The following SHISA6 variants were observed in gnomAD, a reference collection of about 807,000 sequenced individuals.
SHISA6 encodes the protein shisa family member 6, also known as protein shisa-6.
In SHISA6, 22 loss-of-function variants were observed where a neutral mutation model predicts 47.9. The ratio of observed to expected loss-of-function variants is 0.46; its 90% CI spans 0.33 to 0.66. SHISA6 has a LOEUF of 0.66. Ranked by LOEUF, SHISA6 falls within the 30% of genes least tolerant of loss-of-function variation. The pLI is 0.02. For missense variants in SHISA6, 680 were observed against 764.6 expected, an observed-to-expected ratio of 0.89 and a Z score of 1.30; for synonymous variants, 388 against 337.8, an observed-to-expected ratio of 1.15 and a Z score of -1.63.
intron 2 of SHISA6, among the ~76,000 whole-genome samples, chr17:11,298,176 A>G (rs1322155217): frequency 6.6e-6 from 1 of 152,252 alleles, no homozygotes; most frequent in African/African-American, 2.4e-5. Flanking sequence ...TCCCACAGCT[A>G]GTAAGTGGTA....
intron 3 of SHISA6, among the ~76,000 whole-genome samples, chr17:11,445,639 T>G (rs943526341): frequency 1.3e-5 from 2 of 152,188 alleles, no homozygotes; most frequent in African/African-American, 4.8e-5. Context: ...TGTCGAGCAC[T>G]ATGCTAAGTA....
At chr17:11,347,028 G>A (rs572002957) in intron 2 of SHISA6, among the ~76,000 whole-genome samples, 1 of 152,260 alleles carries the variant, frequency 6.6e-6, no homozygotes, top group African/African-American at 2.4e-5. Flanking sequence ...TGTAGCTTAA[G>A]TCATGCTATG....
At chr17:11,351,340 C>G (rs1351044846) in intron 2 of SHISA6, among the ~76,000 whole-genome samples, 2 of 152,186 alleles carry the variant, frequency 1.3e-5, no homozygotes. Context: ...CCGTCTTTAT[C>G]TCCTGTCATG....
intron 5 of SHISA6, among the ~76,000 whole-genome samples, chr17:11,557,241 C>G (rs952632050): frequency 6.6e-6 from 1 of 152,176 alleles, no homozygotes; most frequent in Non-Finnish European, 1.5e-5. Flanking sequence ...TTATTCTAGC[C>G]GGAGGCTGGC....
At chr17:11,251,513 C>A (rs1048483618) in intron 1 of SHISA6, among the ~76,000 whole-genome samples, 1 of 151,894 alleles carries the variant, frequency 6.6e-6, no homozygotes, top group South Asian at 2.1e-4. Context: ...GGGTGAGGGG[C>A]ACAGGAGAGA....
rs144109895 is a variant in SHISA6, at chr17:11,287,711, G to GAAAGAAGGA, written c.799+24186_799+24187insAAGAAGGAA. Among the ~76,000 whole-genome samples the GAAAGAAGGA allele has an allele frequency of 5.5e-3, 174 of 31,432 alleles. 3 individuals are homozygous for GAAAGAAGGA. The highest frequency in any genetic ancestry group is 0.01 in the Non-Finnish European group (136 of 13,496). 20.6% of individuals were successfully genotyped at this position (31,432 alleles called of 152,430 possible). ...GAGAGAGAAAGGGGAAGGAAGGAAG[G>GAAAGAAGGA]AGGGAGGGAGGGAGGAAGGGGCTGG... is the stretch of plus-strand genomic sequence containing the variant. On this transcript the variant is annotated intron_variant, in intron 2 of 5. Transcript: ENST00000441885.
intron 2 of SHISA6, among the ~76,000 whole-genome samples, chr17:11,376,481 C>T (rs1567588636): frequency 6.6e-6 from 1 of 152,088 alleles, no homozygotes; most frequent in Admixed American, 6.5e-5. Flanking sequence ...TGTGCCACCA[C>T]ACTTGGCTCA....
intron 2 of SHISA6, among the ~76,000 whole-genome samples, chr17:11,318,127 A>G (rs1269354206): frequency 5.1e-5 from 1 of 19,606 alleles, no homozygotes; most frequent in Admixed American, 8.0e-4. Context: ...TCACAGTGCC[A>G]TTATCACAGG....
chr17:11,269,462 T>C (rs1369932549), intron 2 of SHISA6, among the ~76,000 whole-genome samples: 2 of 152,172 alleles, frequency 1.3e-5, no homozygotes, highest in East Asian at 3.9e-4. Flanking sequence ...TCAGAGGGAC[T>C]GTTACCCAGG....
At chr17:11,367,549 G>A (rs1349593674) in intron 2 of SHISA6, among the ~76,000 whole-genome samples, 1 of 152,110 alleles carries the variant, frequency 6.6e-6, no homozygotes, top group Non-Finnish European at 1.5e-5. Flanking sequence ...AGAGGTGAGG[G>A]GCCCTTTGAA....
intron 3 of SHISA6, among the ~76,000 whole-genome samples, chr17:11,495,436 G>C (rs2071399944): frequency 6.6e-6 from 1 of 152,226 alleles, no homozygotes; most frequent in Non-Finnish European, 1.5e-5. Context: ...CAGGTGACCA[G>C]GGGAGAGGGA....
chr17:11,351,870 C>G (rs550783456), intron 2 of SHISA6, among the ~76,000 whole-genome samples: 4 of 152,214 alleles, frequency 2.6e-5, no homozygotes, highest in South Asian at 4.1e-4. Flanking sequence ...CTATAAGGAA[C>G]CAATGATGAC....
At position 11,252,040 on chromosome 17, in the gene SHISA6, G is replaced by A. The variant is rs549479466; in HGVS notation, c.638+9980G>A. The stretch of plus-strand genomic sequence containing the variant: ...CACTAGTCTTCCGCAGGAACCCAGC[G>A]TTCCCGCTCCCTGTTTTCATCCTTC... On this transcript the variant is annotated intron_variant, in intron 1 of 5. Transcript: ENST00000441885. Among the ~76,000 whole-genome samples, 5 of 152,262 alleles carry A rather than the reference G, an allele frequency of 3.3e-5. No homozygotes were observed. In the East Asian group the frequency reaches 7.7e-4, roughly 24 times the overall value.
At position 11,553,635 on chromosome 17, in the gene SHISA6, C is replaced by T. The variant is rs1423406016; in HGVS notation, c.952+1683C>T. 5.3e-5 allele frequency among the ~76,000 whole-genome samples: 8 copies of T among 151,990 alleles called. No homozygotes were observed. In the South Asian group the frequency reaches 1.7e-3, roughly 32 times the overall value. On this transcript the variant is annotated intron_variant, in intron 4 of 5. Transcript: ENST00000441885. ...GAGTGACTATCAAGCGAGGAGGGGGCCTGAGTCTACTTAATTAGTGTTCCA... is the reference window on the plus strand; with the variant it reads ...GAGTGACTATCAAGCGAGGAGGGGGTCTGAGTCTACTTAATTAGTGTTCCA...
intron 3 of SHISA6, among the ~76,000 whole-genome samples, chr17:11,536,244 G>A (rs1411078740): frequency 1.3e-5 from 2 of 152,096 alleles, no homozygotes; most frequent in Admixed American, 1.3e-4. Flanking sequence ...TACACTCATA[G>A]CATTACTGGG....
chr17:11,302,025 G>C (rs1000540177), intron 2 of SHISA6, among the ~76,000 whole-genome samples: 1 of 152,118 alleles, frequency 6.6e-6, no homozygotes, highest in Non-Finnish European at 1.5e-5. Flanking sequence ...GGAAACCCCT[G>C]ATAAACCCAC....
In SHISA6 at chr17:11,241,987, A is replaced by G; in HGVS notation, c.565A>G (p.Ile189Val). 2 of 1,551,084 alleles carry G rather than the reference A, an allele frequency of 1.3e-6. No homozygotes were observed. The highest frequency in any genetic ancestry group is 8.7e-7 in the Non-Finnish European group (1 of 1,146,982). ...YITCGVIAFV[I>V]VAGVFAKVSY... ...CACCTGCGGGGTGATCGCCTTCGTC[A>G]TCGTGGCCGGCGTCTTCGCCAAGGT... The change falls in exon 1 of 6, where the codon ATC (isoleucine) becomes GTC (valine). Residue 189 changes from isoleucine (I) to valine (V), a missense_variant. Ile to Val is a conservative substitution (Grantham distance 29). Coordinates refer to ENST00000441885, the MANE Select transcript of SHISA6 (RefSeq NM_207386.4). The surrounding 1 kb of genome is among the most constrained non-coding windows in gnomAD (Gnocchi z 5.5).
chr17:11,449,471 G>A (rs1567608813), intron 3 of SHISA6, among the ~76,000 whole-genome samples: 1 of 151,796 alleles, frequency 6.6e-6, no homozygotes, highest in Non-Finnish European at 1.5e-5. Context: ...AGAAAAAAAA[G>A]AAAAAAATTG....
At chr17:11,434,054 T>C (rs1914865945) in intron 3 of SHISA6, among the ~76,000 whole-genome samples, 1 of 151,538 alleles carries the variant, frequency 6.6e-6, no homozygotes, top group Non-Finnish European at 1.5e-5. Flanking sequence ...ACATTTTTTC[T>C]TTTTTCTCTC....
Sources: gnomAD v4.1 joint callset for allele counts (sites outside exome capture counted in the v4.1 genomes callset) on GRCh38, gnomAD v4.1.1 for gene constraint, Gnocchi (gnomAD v3.1) non-coding constraint, MANE v1.5 for transcripts, NCBI Gene and HGNC (gene_info 2026-07-23, HGNC 2026-07-21) for gene names.